The following MAB21L3 variants were observed in gnomAD, a reference collection of about 807,000 sequenced individuals.
MAB21L3 encodes the protein mab-21 like 3.
A neutral mutation model predicts 37.7 loss-of-function variants in MAB21L3; 36 were observed. That is an observed-to-expected ratio of 0.96 (90% CI 0.73 to 1.26). The LOEUF (loss-of-function observed/expected upper bound fraction) is 1.26, where lower values mean the gene tolerates loss of function less well. Among genes scored for constraint, MAB21L3 ranks in the 50% most tolerant of loss-of-function variants. The probability of loss-of-function intolerance (pLI) is 0.00; values close to 1 mark genes in which losing one functional copy is unlikely to be tolerated. For missense variants in MAB21L3, 430 were observed against 447.3 expected, an observed-to-expected ratio of 0.96 and a Z score of 0.35; for synonymous variants, 186 against 176.8, an observed-to-expected ratio of 1.05 and a Z score of -0.41.
chr1:116,124,736 C>T (rs1334351288), intron 5 of MAB21L3, among the ~76,000 whole-genome samples: 1 of 152,142 alleles, frequency 6.6e-6, no homozygotes, highest in Non-Finnish European at 1.5e-5. Context: ...CTCCATCTGA[C>T]TGCAGTACCA....
intron 7 of MAB21L3, 145 bp from the exon 8 acceptor site, chr1:116,132,987 G>A: frequency 1.5e-6 from 1 of 686,968 alleles, no homozygotes; most frequent in Non-Finnish European, 2.6e-6. Flanking sequence ...CCTGAAGTTG[G>A]GGATTGTGAA....
chr1:116,120,784 A>G (rs1323905114), intron 3 of MAB21L3, 148 bp from the exon 4 acceptor site: 13 of 915,524 alleles, frequency 1.4e-5, no homozygotes, highest in Non-Finnish European at 2.1e-5. Flanking sequence ...ACCTAAATTC[A>G]TCTCCCCGGC....
At chr1:116,122,345 GA>G (rs2101613110) in intron 4 of MAB21L3, among the ~76,000 whole-genome samples, 1 of 152,294 alleles carries the variant, frequency 6.6e-6, no homozygotes, top group South Asian at 2.1e-4. Flanking sequence ...GACACACATA[GA>G]CCAGTGACTA....
intron 7 of MAB21L3, among the ~76,000 whole-genome samples, chr1:116,128,669 C>T (rs1411397580): frequency 6.6e-6 from 1 of 152,132 alleles, no homozygotes; most frequent in Non-Finnish European, 1.5e-5. Flanking sequence ...TCACTAGGTG[C>T]CAGAAACCCT....
chr1:116,119,980 C>T (rs1052502711), intron 3 of MAB21L3, among the ~76,000 whole-genome samples: 2 of 152,122 alleles, frequency 1.3e-5, no homozygotes, highest in Non-Finnish European at 2.9e-5. Flanking sequence ...AGAGAACCAT[C>T]ATTTACTGAT....
In MAB21L3 at chr1:116,136,664, C is replaced by A. The variant is rs1280984350; in HGVS notation, c.*3299C>A. 6.6e-6 allele frequency among the ~76,000 whole-genome samples: 1 copy of A among 152,180 alleles called. No homozygotes were observed. The highest frequency in any genetic ancestry group is 2.4e-5 in the African/African-American group (1 of 41,434). ...GGAACCAAAAAAGAGCCTGCATTGC[C>A]AAGTCAATTCTAAGCCAAAAGAACA... On this transcript the variant is annotated 3_prime_UTR_variant, in exon 8 of 8. Coordinates refer to ENST00000369500, the MANE Select transcript of MAB21L3 (RefSeq NM_152367.3).
chr1:116,127,177 G>T (rs1243828333), intron 5 of MAB21L3, among the ~76,000 whole-genome samples: 2 of 152,134 alleles, frequency 1.3e-5, no homozygotes, highest in African/African-American at 4.8e-5. Flanking sequence ...TAATTTAAAA[G>T]AAAAGGTACC....
rs1277572401 is a variant in MAB21L3 at position 116,134,528 on chromosome 1, C to T, written c.*1163C>T. The T allele has an allele frequency of 2.0e-5, 3 of 152,418 alleles. No individual in the cohort carries two copies. Among genetic ancestry groups the T allele is most frequent in the Admixed American group, 2.0e-4 (3 of 15,298 alleles). The allele number at this position is 152,418 out of a possible 1,614,324, so 9.4% of individuals were successfully genotyped here. A position where few individuals can be genotyped will look rare whatever the true frequency, so the allele number is the denominator to read the frequency against. On this transcript the variant is annotated 3_prime_UTR_variant, in exon 8 of 8. Transcript: ENST00000369500. ...ATAGCTGAAGGGGAAGGAAAAGTGACCAAAGGCAGGCATGGTGGGGCTGGC... is the reference window on the plus strand; with the variant it reads ...ATAGCTGAAGGGGAAGGAAAAGTGATCAAAGGCAGGCATGGTGGGGCTGGC...
intron 6 of MAB21L3, 25 bp downstream of exon 6, chr1:116,127,669 G>A: frequency 7.5e-6 from 12 of 1,593,360 alleles, no homozygotes; most frequent in Non-Finnish European, 9.4e-6. Flanking sequence ...GACCCAGCTT[G>A]CCAGAGCAGT....
chr1:116,124,268 T>C lies in MAB21L3; in HGVS notation c.392T>C (p.Val131Ala), dbSNP rs1272551827. Residue 131 changes from valine to alanine, a missense_variant, in exon 5 of 8, where the codon GTG (valine) becomes GCG (alanine). Physicochemically the swap from Val to Ala is moderately conservative, Grantham distance 64. Coordinates refer to ENST00000369500, the MANE Select transcript of MAB21L3 (RefSeq NM_152367.3). Reference protein sequence around the residue: ...KSLWQWHETDVNIDGDIVPAK... With the variant: ...KSLWQWHETDANIDGDIVPAK... The stretch of plus-strand genomic sequence containing the variant: ...CTGTGGCAGTGGCATGAGACAGATG[T>C]GAACATCGACGGAGACATTGTGCCT... 1 of 1,614,070 alleles carries C rather than the reference T, an allele frequency of 6.2e-7. No individual in the cohort carries two copies. The highest frequency in any genetic ancestry group is 8.5e-7 in the Non-Finnish European group (1 of 1,180,048).
chr1:116,136,638 T>C lies in MAB21L3; in HGVS notation c.*3273T>C, dbSNP rs1358564760. Among the ~76,000 whole-genome samples the C allele has an allele frequency of 6.6e-6, 1 of 152,116 alleles. No individual in the cohort carries two copies. Among genetic ancestry groups the C allele is most frequent in the Non-Finnish European group, 1.5e-5 (1 of 68,028 alleles). On this transcript the variant is annotated 3_prime_UTR_variant, in exon 8 of 8. Coordinates refer to ENST00000369500, the MANE Select transcript of MAB21L3 (RefSeq NM_152367.3). The stretch of plus-strand genomic sequence containing the variant: ...GGAAAAAACTACTTTAAAGTTCATA[T>C]GGAACCAAAAAAGAGCCTGCATTGC...
intron 3 of MAB21L3, among the ~76,000 whole-genome samples, chr1:116,114,041 C>T: frequency 6.6e-6 from 1 of 152,190 alleles, no homozygotes. Context: ...AACTCAGAGT[C>T]CACTTTCTCA....
intron 5 of MAB21L3, among the ~76,000 whole-genome samples, 164 bp downstream of exon 5, chr1:116,124,521 C>T (rs1659841781): frequency 6.6e-6 from 1 of 152,054 alleles, no homozygotes; most frequent in Admixed American, 6.5e-5. Context: ...AGCTTTTTTT[C>T]CTGCTGTTGA....
At position 116,112,716 on chromosome 1, in the gene MAB21L3, CCAAA is replaced by C. The variant is rs113130889; in HGVS notation, c.48+59_48+62del. 1.5e-3 allele frequency: 2,290 copies of C among 1,576,090 alleles called. 22 individuals carry two copies. In the African/African-American group the frequency reaches 0.025, roughly 17 times the overall value. Reference sequence around the variant, plus strand: ...AACCCCCTCCCCATTCACACTACTTCCAAACAAACCTTCGTCCAGAAAGGATCTC... The same window carrying C: ...AACCCCCTCCCCATTCACACTACTTCCAAACCTTCGTCCAGAAAGGATCTC... On this transcript the variant is annotated intron_variant, in intron 3 of 7. Coordinates refer to ENST00000369500, the MANE Select transcript of MAB21L3 (RefSeq NM_152367.3).
At position 116,127,526 on chromosome 1, in the gene MAB21L3, A is replaced by G. The variant is rs1659942399; in HGVS notation, c.542A>G (p.Tyr181Cys). 1 of 1,614,088 alleles carries G rather than the reference A, an allele frequency of 6.2e-7. No individual in the cohort carries two copies. The highest frequency in any genetic ancestry group is 8.5e-7 in the Non-Finnish European group (1 of 1,180,044). ...TGGGTTGCTGTGGAAACATCTGCAT[A>G]TCAGGTGGAACTGGAGCTGGTCCCC... ...AVWVAVETSA[Y>C]QVELELVPAV... Residue 181 changes from tyrosine to cysteine, a missense_variant, in exon 6 of 8, where the codon TAT becomes TGT. Coordinates refer to ENST00000369500, the MANE Select transcript of MAB21L3 (RefSeq NM_152367.3).
In MAB21L3 at chr1:116,128,211, C is replaced by A. The variant is rs1659966202; in HGVS notation, c.727C>A (p.Gln243Lys). Residue 243 changes from glutamine to lysine, a missense_variant, in exon 7 of 8, where the codon CAG becomes AAG. Transcript: ENST00000369500. ...HWQLSFLRAE[Q>K]VLLEQLDEDG... ...GCAGCTGAGCTTCCTCCGTGCTGAG[C>A]AGGTGTTACTGGAACAGCTGGATGA... The A allele has an allele frequency of 1.2e-6, 2 of 1,614,130 alleles. No individual in the cohort carries two copies. The highest frequency in any genetic ancestry group is 1.7e-6 in the Non-Finnish European group (2 of 1,180,022).
rs940990032 is a variant in MAB21L3 at position 116,133,555 on chromosome 1, C to T, written c.*190C>T. On this transcript the variant is annotated 3_prime_UTR_variant, in exon 8 of 8. Transcript: ENST00000369500. The stretch of plus-strand genomic sequence containing the variant: ...CCCAGGATGTCTGGCCCAGGCCTCC[C>T]TGGAGCCCAGCAAGCATTTCTGCCC... The T allele has an allele frequency of 9.8e-6, 6 of 613,488 alleles. No individual in the cohort carries two copies. The highest frequency in any genetic ancestry group is 1.7e-5 in the Non-Finnish European group (6 of 349,308). The allele number at this position is 613,488 out of a possible 1,614,324, so 38.0% of individuals were successfully genotyped here.
At chr1:116,123,528 G>T (rs374797195) in intron 4 of MAB21L3, among the ~76,000 whole-genome samples, 2 of 152,130 alleles carry the variant, frequency 1.3e-5, no homozygotes, top group African/African-American at 4.8e-5. Context: ...GCCAGCCCAG[G>T]GTAGAGAAAT....
In MAB21L3 at chr1:116,112,933, C is replaced by T. The variant is rs182118633; in HGVS notation, c.48+270C>T. Among the ~76,000 whole-genome samples the T allele has an allele frequency of 9.8e-5, 15 of 152,294 alleles. No individual in the cohort carries two copies. The East Asian group carries it at 1.7e-3, about 18-fold the overall frequency. Reference sequence around the variant, plus strand: ...ATGAGGGGGAACTCCAGCTCTGCCACTGACACTCGTGTGGTTGTGAGTCAC... The same window carrying T: ...ATGAGGGGGAACTCCAGCTCTGCCATTGACACTCGTGTGGTTGTGAGTCAC... On this transcript the variant is annotated intron_variant, in intron 3 of 7. Transcript: ENST00000369500.
Sources: gnomAD v4.1 joint callset for allele counts (sites outside exome capture counted in the v4.1 genomes callset) on GRCh38, gnomAD v4.1.1 for gene constraint, MANE v1.5 for transcripts, NCBI Gene and HGNC (gene_info 2026-07-23, HGNC 2026-07-21) for gene names.